Variants in DENND2B observed in about 807,000 individuals in gnomAD.
DENND2B encodes DENN domain containing 2B.
Under a neutral mutation model 116.0 loss-of-function variants are expected in DENND2B, and 32 were observed. The ratio of observed to expected loss-of-function variants is 0.28; its 90% CI spans 0.21 to 0.37. The LOEUF is 0.37. Ranked by LOEUF, DENND2B falls within the 10% of genes least tolerant of loss-of-function variation. The probability of loss-of-function intolerance (pLI) is 1.00; values close to 1 mark genes in which losing one functional copy is unlikely to be tolerated. For missense variants in DENND2B, 1,276 were observed against 1,477.7 expected (o/e 0.86, Z 2.24); for synonymous variants, 588 against 583.9 (o/e 1.01, Z -0.10).
At chr11:8,859,163 A>C (rs2063301275) in intron 2 of DENND2B, among the ~76,000 whole-genome samples, 1 of 152,216 alleles carries the variant, frequency 6.6e-6, no homozygotes, top group South Asian at 2.1e-4. Context: ...TTAGAGCTTG[A>C]TGATGTACTG....
At chr11:8,804,619 A>AG (rs2060671834) in intron 1 of DENND2B, among the ~76,000 whole-genome samples, 2 of 144,762 alleles carry the variant, frequency 1.4e-5, no homozygotes, top group African/African-American at 5.2e-5. Context: ...ATCTCAGCTC[A>AG]CTGCAACCTC....
At chr11:8,753,374 A>G (rs1184158211) in intron 1 of DENND2B, among the ~76,000 whole-genome samples, 1 of 152,262 alleles carries the variant, frequency 6.6e-6, no homozygotes, top group Non-Finnish European at 1.5e-5. Context: ...AATGCAAGAC[A>G]TGTATACTGT....
rs559484260 is a variant in DENND2B at position 8,832,219 on chromosome 11, G to A, written c.-115+7091C>T. On this transcript the variant is annotated intron_variant, in intron 4 of 6. Coordinates refer to the DENND2B transcript ENST00000524757. The stretch of plus-strand genomic sequence containing the variant: ...TGTAATCCCAGCACTATTGGAAGCC[G>A]AGGTGGGCGGATCACAAGGTCAAGA... Among the ~76,000 whole-genome samples the A allele has an allele frequency of 1.2e-4, 19 of 152,226 alleles. No homozygotes were observed. The East Asian group carries it at 3.3e-3, about 26-fold the overall frequency.
intron 19 of DENND2B, 94 bp from the exon 20 acceptor site, chr11:8,694,224 A>G (rs2039910044): frequency 2.1e-6 from 3 of 1,442,540 alleles, no homozygotes; most frequent in Non-Finnish European, 2.9e-6. Flanking sequence ...TGTCAGTGGG[A>G]GAGGAAGGAT....
intron 3 of DENND2B, among the ~76,000 whole-genome samples, chr11:8,839,713 C>T (rs970736074): frequency 2.6e-5 from 4 of 152,048 alleles, no homozygotes; most frequent in African/African-American, 9.7e-5. Context: ...CAAAGGGTTT[C>T]CATTCTACTC....
intron 1 of DENND2B, among the ~76,000 whole-genome samples, chr11:8,791,749 G>A (rs984955530): frequency 7.1e-5 from 10 of 141,542 alleles, no homozygotes; most frequent in African/African-American, 1.7e-4. Flanking sequence ...CTGGGCTACA[G>A]AGCAAGACCC....
At chr11:8,715,466 G>T in intron 6 of DENND2B, 137 bp downstream of exon 6, 1 of 827,304 alleles carries the variant, frequency 1.2e-6, no homozygotes, top group Non-Finnish European at 1.9e-6. Flanking sequence ...GCCAGTGCAC[G>T]GACCCAGAAT....
At chr11:8,708,156 TTGGCAGAGGCTACAGGG>T (rs1396349791) in intron 11 of DENND2B, 2 of 1,318,216 alleles carry the variant, frequency 1.5e-6, no homozygotes, top group African/African-American at 3.0e-5. Context: ...GCAAAGCAGT[TTGGCAGAGGCTACAGGG>T]TGTCTGTGGA....
In DENND2B at chr11:8,698,407, A is replaced by G. The variant is rs2040848873; in HGVS notation, c.2940+526T>C. On this transcript the variant is annotated intron_variant, in intron 16 of 19. Transcript: ENST00000313726. ...TACCCAGGGAGTCCTCAGCTCCGTC[A>G]TTGGTGTGTAACAGACAATAAGTAC... is the stretch of plus-strand genomic sequence containing the variant. 2.0e-5 allele frequency among the ~76,000 whole-genome samples: 3 copies of G among 152,202 alleles called. No individual in the cohort carries two copies. The South Asian group carries it at 6.2e-4, about 31-fold the overall frequency.
intron 14 of DENND2B, chr11:8,699,716 T>G (rs571507094): frequency 4.8e-4 from 201 of 418,892 alleles, no homozygotes; most frequent in Non-Finnish European, 6.6e-4. Flanking sequence ...GAGGAGGCAG[T>G]AGGTTTTGTA....
chr11:8,776,391 C>CA, intron 1 of DENND2B: 2 of 386,628 alleles, frequency 5.2e-6, no homozygotes, highest in Admixed American at 6.3e-5. Flanking sequence ...CAAACAATGA[C>CA]CAAGCACCTG....
At chr11:8,735,509 C>T (rs2048867921) in intron 2 of DENND2B, among the ~76,000 whole-genome samples, 1 of 152,246 alleles carries the variant, frequency 6.6e-6, no homozygotes, top group African/African-American at 2.4e-5. Flanking sequence ...TAAAAAGATG[C>T]AGGTGGGAAA....
intron 2 of DENND2B, among the ~76,000 whole-genome samples, chr11:8,858,936 T>C (rs2063291391): frequency 1.3e-5 from 2 of 152,348 alleles, no homozygotes; most frequent in South Asian, 2.1e-4. Flanking sequence ...CAACAGCCTC[T>C]GGCAGCCAGT....
At chr11:8,763,747 A>G (rs75558879) in intron 1 of DENND2B, among the ~76,000 whole-genome samples, 2,650 of 152,006 alleles carry the variant, frequency 0.017, 71 homozygotes, top group African/African-American at 0.059. Context: ...TGGGATATTG[A>G]TAATAGACTG....
At chr11:8,814,797 A>G (rs1227436033), upstream of DENND2B, among the ~76,000 whole-genome samples, 2 of 152,190 alleles carry the variant, frequency 1.3e-5, no homozygotes, top group Non-Finnish European at 2.9e-5. Flanking sequence ...CACTCAATAA[A>G]TATCTGCTGA....
At position 8,702,863 on chromosome 11, in the gene DENND2B, C is replaced by T. The variant is rs369562672; in HGVS notation, c.2572-143G>A. Reference sequence around the variant, plus strand: ...CGTCTACCCTGCTATGCAGTAAACCCCTCTTCTCCATCCCTCGGACTACAG... The same window carrying T: ...CGTCTACCCTGCTATGCAGTAAACCTCTCTTCTCCATCCCTCGGACTACAG... On this transcript the variant is annotated intron_variant, in intron 13 of 19. Coordinates refer to ENST00000313726, the MANE Select transcript of DENND2B (RefSeq NM_213618.2). This position sits in a 1 kb window ranked among gnomAD's most constrained non-coding sequence, Gnocchi z 4.6. 1.4e-5 allele frequency: 14 copies of T among 1,000,496 alleles called. No homozygotes were observed. The African/African-American group carries it at 1.6e-4, about 12-fold the overall frequency. The allele number at this position is 1,000,496 out of a possible 1,614,324, so 62.0% of individuals were successfully genotyped here.
chr11:8,874,519 G>A (rs1246374870), upstream of DENND2B, among the ~76,000 whole-genome samples: 2 of 152,160 alleles, frequency 1.3e-5, no homozygotes, highest in Non-Finnish European at 2.9e-5. Context: ...TTGAAGGACA[G>A]AAGGGTTAAG....
At chr11:8,744,931 T>C (rs1239595116) in intron 2 of DENND2B, among the ~76,000 whole-genome samples, 2 of 151,244 alleles carry the variant, frequency 1.3e-5, no homozygotes, top group Non-Finnish European at 2.9e-5. Flanking sequence ...CTGATTTTTT[T>C]TTTTTTTTAA....
chr11:8,727,335 G>A (rs1405455749), intron 3 of DENND2B, among the ~76,000 whole-genome samples: 1 of 152,170 alleles, frequency 6.6e-6, no homozygotes, highest in East Asian at 1.9e-4. Context: ...GCTACAGCTT[G>A]TTCTTAGCTT....
Sources: gnomAD v4.1 joint callset for allele counts (sites outside exome capture counted in the v4.1 genomes callset) on GRCh38, gnomAD v4.1.1 for gene constraint, Gnocchi (gnomAD v3.1) non-coding constraint, MANE v1.5 for transcripts, NCBI Gene and HGNC (gene_info 2026-07-23, HGNC 2026-07-21) for gene names.